The following ESRRG variants were observed in gnomAD, a reference collection of about 807,000 sequenced individuals.
ESRRG encodes the protein estrogen-related receptor gamma.
ESRRG carries 13 observed loss-of-function variants against 44.0 expected under a neutral mutation model. That is an observed-to-expected ratio of 0.30 (90% CI 0.19 to 0.47). ESRRG has a LOEUF of 0.47. Ranked by LOEUF, ESRRG falls within the 20% of genes least tolerant of loss-of-function variation. The probability of loss-of-function intolerance (pLI) is 1.00; values close to 1 mark genes in which losing one functional copy is unlikely to be tolerated. For missense variants in ESRRG, 395 were observed against 580.6 expected (o/e 0.68, Z 3.29); for synonymous variants, 215 against 214.6 (o/e 1.00, Z -0.02).
chr1:216,677,023 A>T, intron 2 of ESRRG, 53 bp downstream of exon 2: 1 of 1,383,220 alleles, frequency 7.2e-7, no homozygotes, highest in Non-Finnish European at 1.0e-6. Flanking sequence ...AAAAACAAAA[A>T]CCCATCATGT....
At chr1:216,598,619 A>G (rs796178943) in intron 3 of ESRRG, among the ~76,000 whole-genome samples, 6 of 152,234 alleles carry the variant, frequency 3.9e-5, no homozygotes, top group African/African-American at 1.4e-4. Context: ...TTTCTTGGGA[A>G]GGGTATTTTG....
intron 1 of ESRRG, among the ~76,000 whole-genome samples, chr1:217,123,877 C>A (rs1179094707): frequency 3.3e-5 from 5 of 152,066 alleles, no homozygotes; most frequent in Non-Finnish European, 7.4e-5. Flanking sequence ...ACGTAACAAA[C>A]CTGCACATCT....
In ESRRG at chr1:216,799,790, A is replaced by C. The variant is rs375130720; in HGVS notation, c.-13-122299T>G. ...TCATACATTCATAAACACAAACTAG[A>C]AAAAGCAAAACAGAAACATTCCAGG... On this transcript the variant is annotated intron_variant, in intron 2 of 7. Transcript: ENST00000359162. Among the ~76,000 whole-genome samples the C allele has an allele frequency of 2.2e-4, 33 of 152,292 alleles. No homozygotes were observed. The East Asian group carries it at 4.4e-3, about 21-fold the overall frequency.
At chr1:216,754,237 C>T (rs1421267592) in intron 2 of ESRRG, among the ~76,000 whole-genome samples, 1 of 151,958 alleles carries the variant, frequency 6.6e-6, no homozygotes, top group African/African-American at 2.4e-5. Flanking sequence ...TACATTTCAC[C>T]AAGGGGTCTA....
At chr1:217,069,357 T>C (rs2090244460) in intron 1 of ESRRG, among the ~76,000 whole-genome samples, 5 of 151,948 alleles carry the variant, frequency 3.3e-5, no homozygotes, top group Admixed American at 3.3e-4. Flanking sequence ...TGTGAGTTAA[T>C]ACTTAGTAAA....
At chr1:216,555,576 A>G (rs1372986878) in intron 5 of ESRRG, among the ~76,000 whole-genome samples, 8 of 152,036 alleles carry the variant, frequency 5.3e-5, no homozygotes, top group Non-Finnish European at 1.2e-4. Context: ...CAATTTTAAG[A>G]AATCACTTCT....
chr1:216,859,045 T>C (rs2096004610), intron 2 of ESRRG, among the ~76,000 whole-genome samples: 1 of 152,198 alleles, frequency 6.6e-6, no homozygotes, highest in South Asian at 2.1e-4. Flanking sequence ...TGAATGTGTG[T>C]TATTACTTTA....
At chr1:217,123,688 G>A (rs1024823426) in intron 1 of ESRRG, among the ~76,000 whole-genome samples, 2 of 152,156 alleles carry the variant, frequency 1.3e-5, no homozygotes, top group Admixed American at 6.5e-5. Context: ...TCACTTATAA[G>A]TGGGAGCTGA....
At chr1:216,638,300 C>T (rs2065711957) in intron 3 of ESRRG, among the ~76,000 whole-genome samples, 1 of 152,102 alleles carries the variant, frequency 6.6e-6, no homozygotes, top group Admixed American at 6.6e-5. Flanking sequence ...ATAGGTAAGG[C>T]TTAAAAAGGT....
intron 5 of ESRRG, among the ~76,000 whole-genome samples, chr1:216,550,224 G>C (rs191093624): frequency 6.6e-6 from 1 of 152,008 alleles, no homozygotes; most frequent in African/African-American, 2.4e-5. Flanking sequence ...ATATTCCAGC[G>C]GCATATCGCA....
In ESRRG at chr1:216,913,255, A is replaced by G. The variant is rs543526443; in HGVS notation, c.-14+26327T>C. ...AACTAATACATTATAGCAACTACTTACATAGTTTTACATTATATTGAGAAA... is the reference window on the plus strand; with the variant it reads ...AACTAATACATTATAGCAACTACTTGCATAGTTTTACATTATATTGAGAAA... On this transcript the variant is annotated intron_variant, in intron 2 of 7. Coordinates refer to the ESRRG transcript ENST00000359162. 5.9e-5 allele frequency among the ~76,000 whole-genome samples: 9 copies of G among 152,224 alleles called. No homozygotes were observed. In the East Asian group the frequency reaches 1.2e-3, roughly 20 times the overall value.
At chr1:216,568,206 T>C (rs751826588) in intron 3 of ESRRG, 108 bp from the exon 4 acceptor site, 2 of 792,550 alleles carry the variant, frequency 2.5e-6, no homozygotes, top group African/African-American at 3.4e-5. Flanking sequence ...AACAGTAGAA[T>C]GCAGAATGGA....
intron 1 of ESRRG, among the ~76,000 whole-genome samples, chr1:217,119,280 G>C (rs1443452040): frequency 6.6e-6 from 1 of 152,148 alleles, no homozygotes; most frequent in Non-Finnish European, 1.5e-5. Context: ...TTTCACCACA[G>C]ATAGAGGCTG....
At chr1:216,708,930 C>T (rs1196951687) in intron 1 of ESRRG, among the ~76,000 whole-genome samples, 1 of 152,088 alleles carries the variant, frequency 6.6e-6, no homozygotes, top group African/African-American at 2.4e-5. Flanking sequence ...GTGGATGAAG[C>T]TGGAAACCAT....
chr1:216,689,670 T>C (rs894377448), intron 1 of ESRRG, among the ~76,000 whole-genome samples: 1 of 152,042 alleles, frequency 6.6e-6, no homozygotes, highest in Non-Finnish European at 1.5e-5. Context: ...AGATAAACTG[T>C]TTTATAACAC....
At chr1:217,040,688 T>A (rs1454620371) in intron 1 of ESRRG, among the ~76,000 whole-genome samples, 1 of 152,186 alleles carries the variant, frequency 6.6e-6, no homozygotes, top group African/African-American at 2.4e-5. Flanking sequence ...TGAGCTTATT[T>A]GTTTTGATTA....
At chr1:216,710,538 C>G (rs1202906214) in intron 1 of ESRRG, among the ~76,000 whole-genome samples, 1 of 152,098 alleles carries the variant, frequency 6.6e-6, no homozygotes, top group African/African-American at 2.4e-5. Context: ...AAAATTGATG[C>G]AAATAGTTTT....
chr1:216,605,565 G>T (rs2150219038), intron 3 of ESRRG, among the ~76,000 whole-genome samples: 1 of 152,222 alleles, frequency 6.6e-6, no homozygotes, highest in African/African-American at 2.4e-5. Context: ...ATAACTATAT[G>T]TGTCTATGTA....
chr1:216,715,609 T>C (rs1373018329), intron 1 of ESRRG, among the ~76,000 whole-genome samples: 1 of 152,138 alleles, frequency 6.6e-6, no homozygotes, highest in Admixed American at 6.6e-5. Flanking sequence ...TTTTTTTCTC[T>C]TTAATGAGTA....
Sources: gnomAD v4.1 joint callset for allele counts (sites outside exome capture counted in the v4.1 genomes callset) on GRCh38, gnomAD v4.1.1 for gene constraint, MANE v1.5 for transcripts, NCBI Gene and HGNC (gene_info 2026-07-23, HGNC 2026-07-21) for gene names.